Variants in LMO7 observed in about 807,000 individuals in gnomAD.
LMO7 encodes LIM domain only protein 7.
Under a neutral mutation model 206.5 loss-of-function variants are expected in LMO7, and 120 were observed. The observed-to-expected ratio is 0.58, with a 90% CI of 0.50 to 0.68. The LOEUF is 0.68. Ranked by LOEUF, LMO7 falls within the 30% of genes least tolerant of loss-of-function variation. The probability of loss-of-function intolerance (pLI) is 0.00; values close to 1 mark genes in which losing one functional copy is unlikely to be tolerated. For missense variants in LMO7, 1,959 were observed against 1,957.9 expected, an observed-to-expected ratio of 1.00 and a Z score of -0.01; for synonymous variants, 706 against 681.5, an observed-to-expected ratio of 1.04 and a Z score of -0.56.
At chr13:75,645,657 C>G (rs1295287099) in intron 1 of LMO7, among the ~76,000 whole-genome samples, 2 of 152,198 alleles carry the variant, frequency 1.3e-5, no homozygotes, top group Non-Finnish European at 2.9e-5. Context: ...GGACCAGTAT[C>G]AAATGCATTT....
chr13:75,796,781 C>T, intron 6 of LMO7, 32 bp downstream of exon 6: 1 of 1,258,830 alleles, frequency 7.9e-7, no homozygotes. Flanking sequence ...GAGATTACTG[C>T]TGTAATACAG....
At chr13:75,731,587 T>G (rs1044093449) in intron 3 of LMO7, among the ~76,000 whole-genome samples, 2 of 152,110 alleles carry the variant, frequency 1.3e-5, no homozygotes, top group Non-Finnish European at 2.9e-5. Context: ...TTATCCAATT[T>G]GCCAGTCTGT....
chr13:75,706,132 A>G (rs1220945360), intron 1 of LMO7, among the ~76,000 whole-genome samples: 2 of 152,156 alleles, frequency 1.3e-5, no homozygotes, highest in Non-Finnish European at 2.9e-5. Context: ...CACAAATGGG[A>G]TAACTAAGAT....
chr13:75,780,146 T>C (rs758796847), intron 4 of LMO7, among the ~76,000 whole-genome samples: 79 of 152,326 alleles, frequency 5.2e-4, no homozygotes, highest in Non-Finnish European at 6.6e-4. Context: ...TGAGGTTCCC[T>C]GTCCCACTGT....
chr13:75,713,157 A>G (rs200463867), intron 1 of LMO7, 25 bp from the exon 2 acceptor site: 332 of 1,589,836 alleles, frequency 2.1e-4, no homozygotes, highest in Admixed American at 8.5e-4. Flanking sequence ...TTAAGAGAAA[A>G]TTAACAACCA....
chr13:75,790,331 C>G (rs1595025107), intron 4 of LMO7, among the ~76,000 whole-genome samples: 1 of 152,168 alleles, frequency 6.6e-6, no homozygotes. Context: ...AAATCTCTCA[C>G]TAAAGCCCAG....
chr13:75,845,275 A>G (rs886742745), intron 25 of LMO7, 52 bp from the exon 26 acceptor site: 1 of 847,382 alleles, frequency 1.2e-6, no homozygotes. Context: ...TCATAAATAT[A>G]AAGGAGGTTA....
chr13:75,817,232 A>G lies in LMO7; in HGVS notation c.2018A>G (p.Gln673Arg). The G allele has an allele frequency of 1.2e-6, 2 of 1,613,694 alleles. No homozygotes were observed. Among genetic ancestry groups the G allele is most frequent in the Non-Finnish European group, 1.7e-6 (2 of 1,179,652 alleles). ...CGTCAGCTGCGTTACGAGGAGATGC[A>G]GAAAATAAAATCACAATTAAAAGAA... is the stretch of plus-strand genomic sequence containing the variant. Reference protein sequence around the residue: ...NLRQLRYEEMQKIKSQLKEQD... With the variant: ...NLRQLRYEEMRKIKSQLKEQD... Residue 673 changes from glutamine to arginine, a missense_variant, in exon 12 of 31, where the codon CAG (glutamine) becomes CGG (arginine). Coordinates refer to ENST00000377534, the MANE Select transcript of LMO7 (RefSeq NM_001306080.2).
intron 1 of LMO7, among the ~76,000 whole-genome samples, chr13:75,640,742 T>C (rs1291301154): frequency 6.6e-6 from 1 of 152,202 alleles, no homozygotes. Flanking sequence ...CATTAAAAAA[T>C]AGGATTTTAA....
intron 25 of LMO7, among the ~76,000 whole-genome samples, 167 bp downstream of exon 25, chr13:75,843,083 A>G (rs1440615438): frequency 1.3e-5 from 2 of 152,224 alleles, no homozygotes; most frequent in Admixed American, 6.5e-5. Context: ...CTGTGTAACA[A>G]CTATTCGTGA....
rs138240325 is a variant in LMO7 at position 75,679,907 on chromosome 13, T to A, written c.70-33275T>A. ...TCCTGGTGATTCTTTTTTAAAAAAA[T>A]TTTTATTTTATTTTAAGTTCCAGGA... On this transcript the variant is annotated intron_variant, in intron 1 of 30. Transcript: ENST00000377534. Among the ~76,000 whole-genome samples the A allele has an allele frequency of 1.2e-3, 180 of 152,254 alleles. 4 individuals carry two copies. The East Asian group carries it at 0.023, about 19-fold the overall frequency.
Position 75,842,838 on chromosome 13 carries a change from TTCTA to T in LMO7, c.4032-9_4032-6del. The T allele has an allele frequency of 5.1e-6, 8 of 1,564,118 alleles. No homozygotes were observed. The highest frequency in any genetic ancestry group is 7.0e-6 in the Non-Finnish European group (8 of 1,137,616). ...CTAATATTTTGACAACAAAATCTTT[TTCTA>T]TCTTTTAGGCCTGTTGATTCCTATG... On this transcript the variant is annotated splice_polypyrimidine_tract_variant and intron_variant, in intron 24 of 30. Coordinates refer to ENST00000377534, the MANE Select transcript of LMO7 (RefSeq NM_001306080.2).
chr13:75,633,469 G>A (rs529952589), upstream of LMO7, among the ~76,000 whole-genome samples: 11 of 152,330 alleles, frequency 7.2e-5, no homozygotes, highest in African/African-American at 2.4e-4. Context: ...ACTCAGAAGA[G>A]ATAGGTTCCA....
At chr13:75,633,841 CTTTTTTTTTT>C (rs60769000), upstream of LMO7, among the ~76,000 whole-genome samples, 4 of 64,672 alleles carry the variant, frequency 6.2e-5, no homozygotes, top group African/African-American at 2.7e-4. Context: ...GTGTCTTTTC[CTTTTTTTTTT>C]TTTTTTTTTT....
In LMO7 at chr13:75,858,593, G is replaced by A. The variant is rs2061133957; in HGVS notation, c.*650G>A. On this transcript the variant is annotated 3_prime_UTR_variant, in exon 31 of 31. Transcript: ENST00000377534. Reference sequence around the variant, plus strand: ...ATTTTCATTAATGAAAAATAACCATGGTTTGTATACTAGAAGTCTTCTTCA... The same window carrying A: ...ATTTTCATTAATGAAAAATAACCATAGTTTGTATACTAGAAGTCTTCTTCA... The A allele has an allele frequency of 6.6e-6, 1 of 152,560 alleles. No individual in the cohort carries two copies. The highest frequency in any genetic ancestry group is 2.4e-5 in the African/African-American group (1 of 41,430). 9.5% of individuals were successfully genotyped at this position (152,560 alleles called of 1,614,324 possible). A position where few individuals can be genotyped will look rare whatever the true frequency, so the allele number is the denominator to read the frequency against.
chr13:75,643,962 T>G (rs2036790144), intron 1 of LMO7, among the ~76,000 whole-genome samples: 1 of 152,170 alleles, frequency 6.6e-6, no homozygotes, highest in Admixed American at 6.5e-5. Flanking sequence ...TCAAGCATAA[T>G]GGGGATTGTC....
At chr13:75,713,523 G>C (rs1422766033) in intron 2 of LMO7, among the ~76,000 whole-genome samples, 2 of 152,122 alleles carry the variant, frequency 1.3e-5, no homozygotes, top group South Asian at 2.1e-4. Flanking sequence ...GTGGGCCAGT[G>C]GGGGGTGGGT....
At chr13:75,641,825 C>CTT (rs781445163) in intron 1 of LMO7, among the ~76,000 whole-genome samples, 7 of 140,828 alleles carry the variant, frequency 5.0e-5, no homozygotes, top group African/African-American at 1.8e-4. Flanking sequence ...TTTTGTATTT[C>CTT]TTTTTTTTTT....
chr13:75,667,236 C>T (rs1003692708), intron 1 of LMO7, among the ~76,000 whole-genome samples: 2 of 151,944 alleles, frequency 1.3e-5, no homozygotes, highest in African/African-American at 4.8e-5. Flanking sequence ...GACTGATTTC[C>T]AACATACCAT....
Sources: gnomAD v4.1 joint callset for allele counts (sites outside exome capture counted in the v4.1 genomes callset) on GRCh38, gnomAD v4.1.1 for gene constraint, MANE v1.5 for transcripts, NCBI Gene and HGNC (gene_info 2026-07-23, HGNC 2026-07-21) for gene names.